The following MTREX variants were observed in gnomAD, a reference collection of about 807,000 sequenced individuals.
The protein encoded by MTREX is Mtr4 exosome RNA helicase.
MTREX carries 76 observed loss-of-function variants against 135.4 expected under a neutral mutation model. The ratio of observed to expected loss-of-function variants is 0.56; its 90% CI spans 0.47 to 0.68. MTREX has a LOEUF of 0.68. MTREX is among the 30% of genes least tolerant of loss of function. The pLI is 0.00. For synonymous variants in MTREX, 404 were observed against 401.6 expected (o/e 1.01, Z -0.07); for missense variants, 920 against 1,262.1 (o/e 0.73, Z 4.11).
At chr5:55,399,905 T>C (rs1350163664) in intron 20 of MTREX, among the ~76,000 whole-genome samples, 1 of 152,222 alleles carries the variant, frequency 6.6e-6, no homozygotes, top group Non-Finnish European at 1.5e-5. Context: ...AGATTACTTT[T>C]GATGGCAAGA....
chr5:55,319,940 CAG>C (rs1749261332), intron 1 of MTREX, among the ~76,000 whole-genome samples: 1 of 152,116 alleles, frequency 6.6e-6, no homozygotes, highest in South Asian at 2.1e-4. Context: ...GTTGCTTACT[CAG>C]AGATAGAATA....
chr5:55,388,110 C>T lies in MTREX; in HGVS notation c.2181+8C>T. On this transcript the variant is annotated splice_region_variant and intron_variant, in intron 19 of 26. Coordinates refer to ENST00000230640, the MANE Select transcript of MTREX (RefSeq NM_015360.5). ...GAGAAAGGAGAGATGCAGGTTTGTA[C>T]ATAACTTTCTGTCTTCTGATTTCAG... is the stretch of plus-strand genomic sequence containing the variant. 2 of 1,591,842 alleles carry T rather than the reference C, an allele frequency of 1.3e-6. No individual in the cohort carries two copies. The highest frequency in any genetic ancestry group is 8.6e-7 in the Non-Finnish European group (1 of 1,165,420).
At chr5:55,413,522 A>G (rs1750918524) in intron 23 of MTREX, among the ~76,000 whole-genome samples, 1 of 152,108 alleles carries the variant, frequency 6.6e-6, no homozygotes, top group African/African-American at 2.4e-5. Context: ...TTTCTTTGAC[A>G]GGGCAGAAAA....
chr5:55,322,423 A>G lies in MTREX; in HGVS notation c.231A>G (p.Gly77=), dbSNP rs764357804. 6.2e-7 allele frequency: 1 copy of G among 1,610,506 alleles called. No homozygotes were observed. Among genetic ancestry groups the G allele is most frequent in the Non-Finnish European group, 8.5e-7 (1 of 1,178,446 alleles). Residue 77 remains glycine (G), a synonymous_variant, in exon 2 of 27, where the codon GGA becomes GGG. Transcript: ENST00000230640. The stretch of plus-strand genomic sequence containing the variant: ...AAGGTACAGATGAACCCATTTTTGG[A>G]AAGAAGCCCAGGATAGAAGAGTCAA... ...DFEGTDEPIF[G]KKPRIEESIT... is the part of the protein sequence containing the mutation.
In MTREX at chr5:55,388,024, C is replaced by T. The variant is rs777157237; in HGVS notation, c.2103C>T (p.Arg701=). ...TGTATGTAGTAGAAGTACTTCTGCG[C>T]TGTAGCAAAGAGAGCTTGAAAAATT... ...DPLYVVEVLL[R]CSKESLKNSA... Residue 701 remains arginine (R), a synonymous_variant, in exon 19 of 27, where the codon CGC becomes CGT. Coordinates refer to ENST00000230640, the MANE Select transcript of MTREX (RefSeq NM_015360.5). 1.2e-6 allele frequency: 2 copies of T among 1,608,142 alleles called. No homozygotes were observed. The highest frequency in any genetic ancestry group is 1.1e-5 in the South Asian group (1 of 90,408).
intron 17 of MTREX, 27 bp downstream of exon 17, chr5:55,378,513 C>G: frequency 6.4e-7 from 1 of 1,573,054 alleles, no homozygotes; most frequent in Non-Finnish European, 8.6e-7. Flanking sequence ...TCATAAAATA[C>G]TTGAATAATT....
At chr5:55,396,759 G>A (rs1268035156) in intron 19 of MTREX, among the ~76,000 whole-genome samples, 6 of 152,168 alleles carry the variant, frequency 3.9e-5, no homozygotes, top group Non-Finnish European at 5.9e-5. Flanking sequence ...TGAAAATTGT[G>A]TTTTCATCAG....
intron 13 of MTREX, among the ~76,000 whole-genome samples, chr5:55,352,583 T>C (rs1166871002): frequency 6.6e-6 from 1 of 152,228 alleles, no homozygotes; most frequent in Non-Finnish European, 1.5e-5. Flanking sequence ...AATTTCATCA[T>C]ATGTCAGATT....
intron 2 of MTREX, 99 bp downstream of exon 2, chr5:55,322,563 G>A (rs904692670): frequency 1.4e-5 from 11 of 775,530 alleles, no homozygotes; most frequent in East Asian, 8.5e-5. Context: ...ATATATGCCC[G>A]TATTAGAGAA....
chr5:55,382,622 G>A (rs953009448), intron 18 of MTREX, among the ~76,000 whole-genome samples: 4 of 150,342 alleles, frequency 2.7e-5, no homozygotes, highest in Middle Eastern at 3.2e-3. Context: ...ATCATTTATG[G>A]TTTTTTTTTG....
chr5:55,340,291 T>C (rs1749623306), intron 6 of MTREX, 107 bp downstream of exon 6: 1 of 723,820 alleles, frequency 1.4e-6, no homozygotes, highest in East Asian at 3.0e-5. Flanking sequence ...AGGTAAAGTA[T>C]AGTACTTTAT....
rs529972833 is a variant in MTREX at position 55,359,367 on chromosome 5, A to G, written c.1659+669A>G. On this transcript the variant is annotated intron_variant, in intron 15 of 26. Transcript: ENST00000230640. ...AATTAAAAACACAAAATTAATTGCC[A>G]GCTTATTAGCTACTTAAAAGTAGCT... is the stretch of plus-strand genomic sequence containing the variant. Among the ~76,000 whole-genome samples the G allele has an allele frequency of 7.2e-5, 11 of 152,338 alleles. No homozygotes were observed. In the South Asian group the frequency reaches 8.3e-4, roughly 11 times the overall value.
At chr5:55,389,936 T>TA (rs1750539463) in intron 19 of MTREX, among the ~76,000 whole-genome samples, 1 of 152,176 alleles carries the variant, frequency 6.6e-6, no homozygotes, top group South Asian at 2.1e-4. Flanking sequence ...TATAAGGAAA[T>TA]ATTAGCTCTC....
At chr5:55,348,212 T>C (rs915412742) in intron 11 of MTREX, among the ~76,000 whole-genome samples, 1 of 152,080 alleles carries the variant, frequency 6.6e-6, no homozygotes, top group African/African-American at 2.4e-5. Flanking sequence ...CTGAAGACAG[T>C]AGGGCAGGAG....
intron 11 of MTREX, among the ~76,000 whole-genome samples, chr5:55,348,032 A>C (rs1749767226): frequency 6.6e-6 from 1 of 152,220 alleles, no homozygotes; most frequent in Non-Finnish European, 1.5e-5. Flanking sequence ...AACACATGGG[A>C]ATCATGGGAA....
chr5:55,344,659 T>TG, intron 9 of MTREX, 39 bp downstream of exon 9: 2 of 1,137,916 alleles, frequency 1.8e-6, no homozygotes, highest in Non-Finnish European at 2.6e-6. Context: ...TATAATGTCA[T>TG]ACTTTATTAT....
chr5:55,424,536 G>GT, intron 26 of MTREX, 184 bp from the exon 27 acceptor site: 1 of 561,314 alleles, frequency 1.8e-6, no homozygotes, highest in Non-Finnish European at 3.3e-6. Flanking sequence ...GGTCTGGCTT[G>GT]TATGTTTTCC....
At position 55,308,152 on chromosome 5, in the gene MTREX, GGAA is replaced by G; in HGVS notation, c.134+10_134+12del. 6.3e-7 allele frequency: 1 copy of G among 1,585,450 alleles called. No individual in the cohort carries two copies. Among genetic ancestry groups the G allele is most frequent in the Non-Finnish European group, 8.6e-7 (1 of 1,168,708 alleles). On this transcript the variant is annotated splice_donor_region_variant and intron_variant, in intron 1 of 26. Coordinates refer to ENST00000230640, the MANE Select transcript of MTREX (RefSeq NM_015360.5). ...AGGGTCTGCAGACAAGGCAGGGTAA[GGAA>G]GAAGTTCCAGTTGTTGCTTTTATTT...
chr5:55,416,077 C>G lies in MTREX; in HGVS notation c.2916C>G (p.Thr972=), dbSNP rs1020509338. The change falls in exon 25 of 27, where the codon ACC becomes ACG. Residue 972 remains threonine (T), a synonymous_variant. Transcript: ENST00000230640. ...FKPHLMDVVY[T]WATGATFAHI... is the part of the protein sequence containing the mutation. ...CTCACTTAATGGATGTAGTATATACCTGGGCAACTGGAGCTACATTTGCCC... is the reference window on the plus strand; with the variant it reads ...CTCACTTAATGGATGTAGTATATACGTGGGCAACTGGAGCTACATTTGCCC... 3 of 1,595,058 alleles carry G rather than the reference C, an allele frequency of 1.9e-6. No homozygotes were observed. The Admixed American group carries it at 5.4e-5, about 29-fold the overall frequency.
Sources: gnomAD v4.1 joint callset for allele counts (sites outside exome capture counted in the v4.1 genomes callset) on GRCh38, gnomAD v4.1.1 for gene constraint, MANE v1.5 for transcripts, NCBI Gene and HGNC (gene_info 2026-07-23, HGNC 2026-07-21) for gene names.